Variants in DNAJA3 observed in about 807,000 individuals in gnomAD.
The protein encoded by DNAJA3 is dnaJ homolog subfamily A member 3, mitochondrial.
In DNAJA3, 29 loss-of-function variants were observed where a neutral mutation model predicts 54.9. The observed-to-expected ratio is 0.53, with a 90% CI of 0.39 to 0.72. The LOEUF (loss-of-function observed/expected upper bound fraction) is 0.72, where lower values mean the gene tolerates loss of function less well. Ranked by LOEUF, DNAJA3 falls within the 30% of genes least tolerant of loss-of-function variation. DNAJA3 has a pLI of 0.00. For missense variants in DNAJA3, 708 were observed against 639.4 expected, an observed-to-expected ratio of 1.11 and a Z score of -1.16; for synonymous variants, 302 against 251.4, an observed-to-expected ratio of 1.20 and a Z score of -1.90.
intron 1 of DNAJA3, among the ~76,000 whole-genome samples, chr16:4,432,046 C>T (rs1327590595): frequency 6.6e-6 from 1 of 151,802 alleles, no homozygotes; most frequent in Non-Finnish European, 1.5e-5. Context: ...ACCACCACTG[C>T]CATCTAGTTT....
At chr16:4,427,549 G>C (rs1002894288) in intron 1 of DNAJA3, among the ~76,000 whole-genome samples, 1 of 152,218 alleles carries the variant, frequency 6.6e-6, no homozygotes, top group African/African-American at 2.4e-5. Context: ...GCACCTGTCT[G>C]AAAATTCATT....
Position 4,444,741 on chromosome 16 carries a change from C to A in DNAJA3, c.996+13C>A. 1 of 1,612,270 alleles carries A rather than the reference C, an allele frequency of 6.2e-7. No individual in the cohort carries two copies. The highest frequency in any genetic ancestry group is 1.1e-5 in the South Asian group (1 of 90,902). The stretch of plus-strand genomic sequence containing the variant: ...CATTACGTTCAGGGTAGGTGCCCTG[C>A]CCCGCACAGCTTCTGTTGGGCCTTT... On this transcript the variant is annotated intron_variant, in intron 7 of 11. Transcript: ENST00000262375.
At position 4,455,641 on chromosome 16, in the gene DNAJA3, G is replaced by A; in HGVS notation, c.*109G>A. The A allele has an allele frequency of 1.3e-6, 2 of 1,519,948 alleles. No individual in the cohort carries two copies. Among genetic ancestry groups the A allele is most frequent in the Non-Finnish European group, 1.8e-6 (2 of 1,118,572 alleles). The allele number at this position is 1,519,948 out of a possible 1,614,324, so 94.2% of individuals were successfully genotyped here. A position where few individuals can be genotyped will look rare whatever the true frequency, so the allele number is the denominator to read the frequency against. The stretch of plus-strand genomic sequence containing the variant: ...GAGGATTCCAGAACAGCAGCACTGA[G>A]CTCCCACCCGCAGAGCCTCTGGACG... On this transcript the variant is annotated 3_prime_UTR_variant, in exon 12 of 12. Coordinates refer to ENST00000262375, the MANE Select transcript of DNAJA3 (RefSeq NM_005147.6).
intron 10 of DNAJA3, among the ~76,000 whole-genome samples, chr16:4,452,297 A>T (rs368003973): frequency 1.3e-5 from 2 of 152,122 alleles, no homozygotes; most frequent in East Asian, 3.9e-4. Context: ...CAATCACATA[A>T]CATGCGAGAT....
chr16:4,430,424 G>A (rs544090964), intron 1 of DNAJA3: 4 of 151,874 alleles, frequency 2.6e-5, no homozygotes, highest in African/African-American at 4.8e-5. Flanking sequence ...TTGGTCAGGC[G>A]TGGTGGCGGG....
chr16:4,440,094 T>C (rs1040161809), intron 3 of DNAJA3, among the ~76,000 whole-genome samples: 1 of 151,864 alleles, frequency 6.6e-6, no homozygotes, highest in African/African-American at 2.4e-5. Context: ...TGCACCACCA[T>C]TCTTGGTTAA....
At chr16:4,441,090 G>T in intron 3 of DNAJA3, 1 of 492,150 alleles carries the variant, frequency 2.0e-6, no homozygotes, top group Non-Finnish European at 3.6e-6. Context: ...CAGGGTGCCT[G>T]TGAGGTCAAG....
At chr16:4,441,189 A>G (rs4786490) in intron 3 of DNAJA3, 186 bp from the exon 4 acceptor site, 399,423 of 595,940 alleles carry the variant, frequency 0.67, 137,013 homozygotes, top group Non-Finnish European at 0.73. Flanking sequence ...TACACTTAGC[A>G]TTCAGTTTGG....
Position 4,432,335 on chromosome 16 carries a change from CT to C in DNAJA3, c.212-2038del, listed in dbSNP as rs538764932. 1.1e-3 allele frequency among the ~76,000 whole-genome samples: 80 copies of C among 73,242 alleles called. 1 individual carries two copies. In the South Asian group the frequency reaches 0.023, roughly 21 times the overall value. 48.0% of individuals were successfully genotyped at this position (73,242 alleles called of 152,430 possible). On this transcript the variant is annotated intron_variant, in intron 1 of 11. Transcript: ENST00000262375. ...ACTGTGCCCAGGCTTATTTTTCTTTCTTTTTTTTTTTCTTTTTTTTTTCTGT... is the reference window on the plus strand; with the variant it reads ...ACTGTGCCCAGGCTTATTTTTCTTTCTTTTTTTTTTCTTTTTTTTTTCTGT...
intron 1 of DNAJA3, among the ~76,000 whole-genome samples, chr16:4,429,510 C>T (rs748209024): frequency 2.9e-4 from 44 of 152,142 alleles, no homozygotes; most frequent in Non-Finnish European, 4.3e-4. Context: ...TGTGAGTCAC[C>T]GCGCCCGGCC....
intron 9 of DNAJA3, chr16:4,450,009 C>A: frequency 6.2e-6 from 1 of 161,252 alleles, no homozygotes; most frequent in Non-Finnish European, 1.4e-5. Flanking sequence ...AGGATGGTCT[C>A]TATCTCCTGA....
intron 1 of DNAJA3, among the ~76,000 whole-genome samples, chr16:4,429,143 T>C (rs912308403): frequency 6.6e-6 from 1 of 151,758 alleles, no homozygotes; most frequent in African/African-American, 2.4e-5. Flanking sequence ...CGCCTCCGCC[T>C]CCCAAAGTGC....
intron 9 of DNAJA3, among the ~76,000 whole-genome samples, chr16:4,449,111 C>T (rs1222669785): frequency 6.6e-6 from 1 of 152,208 alleles, no homozygotes; most frequent in Admixed American, 6.5e-5. Flanking sequence ...ATTCTCCTGC[C>T]TCAGCCTCCC....
intron 10 of DNAJA3, 139 bp downstream of exon 10, chr16:4,450,636 G>T (rs758828472): frequency 1.5e-6 from 1 of 656,128 alleles, no homozygotes; most frequent in Non-Finnish European, 2.5e-6. Flanking sequence ...AAAGAGGGGG[G>T]CTGTGGGCGG....
At chr16:4,434,808 A>G (rs996672072) in intron 2 of DNAJA3, among the ~76,000 whole-genome samples, 1 of 151,216 alleles carries the variant, frequency 6.6e-6, no homozygotes, top group African/African-American at 2.4e-5. Context: ...ATCAGTAGAT[A>G]TGCTAGTCTA....
intron 1 of DNAJA3, among the ~76,000 whole-genome samples, chr16:4,428,615 C>G (rs978360340): frequency 1.3e-5 from 2 of 152,176 alleles, no homozygotes; most frequent in South Asian, 2.1e-4. Context: ...GAAGCTGTGA[C>G]TAAGGAACTG....
At chr16:4,454,519 G>A (rs963565383) in intron 10 of DNAJA3, among the ~76,000 whole-genome samples, 3 of 152,256 alleles carry the variant, frequency 2.0e-5, no homozygotes, top group African/African-American at 4.8e-5. Context: ...CTGTTGCTCA[G>A]ATAGAGACAG....
At position 4,454,943 on chromosome 16, in the gene DNAJA3, A is replaced by C. The variant is rs2057018386; in HGVS notation, c.*13+16A>C. The C allele has an allele frequency of 1.3e-6, 2 of 1,558,530 alleles. No homozygotes were observed. The highest frequency in any genetic ancestry group is 1.8e-6 in the Non-Finnish European group (2 of 1,133,052). On this transcript the variant is annotated intron_variant, in intron 11 of 11. Coordinates refer to ENST00000262375, the MANE Select transcript of DNAJA3 (RefSeq NM_005147.6). Reference sequence around the variant, plus strand: ...CCCAGCCGAGGTAGGAAAACCCTGGAGGTTTTTTTTCCCTTTGTTTTCCTC... The same window carrying C: ...CCCAGCCGAGGTAGGAAAACCCTGGCGGTTTTTTTTCCCTTTGTTTTCCTC...
At chr16:4,453,203 A>G (rs2056996791) in intron 10 of DNAJA3, among the ~76,000 whole-genome samples, 1 of 152,050 alleles carries the variant, frequency 6.6e-6, no homozygotes. Flanking sequence ...TACAGACATG[A>G]GCCACTGTGC....
Sources: allele counts gnomAD v4.1 joint callset (sites outside exome capture counted in the v4.1 genomes callset), GRCh38; gene constraint gnomAD v4.1.1; transcripts MANE v1.5; gene names NCBI Gene and HGNC (gene_info 2026-07-23, HGNC 2026-07-21).